The following STAT3 variants were observed in gnomAD, a reference collection of about 807,000 sequenced individuals.
STAT3 encodes signal transducer and activator of transcription 3, also known as DNA-binding protein APRF.
In STAT3, 7 loss-of-function variants were observed where a neutral mutation model predicts 114.3. The observed-to-expected ratio is 0.06, with a 90% CI of 0.03 to 0.11. The LOEUF is 0.11. Among genes scored for constraint, STAT3 ranks in the 10% least tolerant of loss-of-function variants. STAT3 has a pLI of 1.00. For missense variants in STAT3, 364 were observed against 960.9 expected, an observed-to-expected ratio of 0.38 and a Z score of 8.21; for synonymous variants, 331 against 354.5, an observed-to-expected ratio of 0.93 and a Z score of 0.74.
chr17:42,354,172 C>CTTTT (rs1212253278), intron 1 of STAT3, among the ~76,000 whole-genome samples: 11 of 108,676 alleles, frequency 1.0e-4, no homozygotes, highest in African/African-American at 3.9e-4. Context: ...TAATTGTGTT[C>CTTTT]TTTTTTTTTT....
At position 42,340,075 on chromosome 17, in the gene STAT3, G is replaced by A. The variant is rs552192941; in HGVS notation, c.373-666C>T. Reference sequence around the variant, plus strand: ...TATGAAACTTAAAAATTACAGGTTCGTGCCAGGTGCGGTGGCTGATGCCTG... The same window carrying A: ...TATGAAACTTAAAAATTACAGGTTCATGCCAGGTGCGGTGGCTGATGCCTG... On this transcript the variant is annotated intron_variant, in intron 4 of 23. Coordinates refer to ENST00000264657, the MANE Select transcript of STAT3 (RefSeq NM_139276.3). Among the ~76,000 whole-genome samples the A allele has an allele frequency of 3.3e-5, 5 of 152,086 alleles. No individual in the cohort carries two copies. In the South Asian group the frequency reaches 8.3e-4, roughly 25 times the overall value.
Position 42,338,832 on chromosome 17 carries a change from A to C in STAT3, c.469-20T>G, listed in dbSNP as rs771450214. The C allele has an allele frequency of 1.3e-6, 2 of 1,581,610 alleles. No individual in the cohort carries two copies. The highest frequency in any genetic ancestry group is 1.1e-5 in the South Asian group (1 of 90,328). The stretch of plus-strand genomic sequence containing the variant: ...TAGATCCTGTTTAAAATAAGCAAAC[A>C]AAAAAACAGAAGTAAAGAAAGATTT... On this transcript the variant is annotated intron_variant, in intron 5 of 23. Coordinates refer to ENST00000264657, the MANE Select transcript of STAT3 (RefSeq NM_139276.3).
At position 42,329,438 on chromosome 17, in the gene STAT3, C is replaced by A. The variant is rs1413822678; in HGVS notation, c.1253G>T (p.Cys418Phe). The A allele has an allele frequency of 6.2e-7, 1 of 1,614,238 alleles. No individual in the cohort carries two copies. Among genetic ancestry groups the A allele is most frequent in the Non-Finnish European group, 8.5e-7 (1 of 1,180,050 alleles). Reference protein sequence around the residue: ...FKHLTLREQRCGNGGRANCDA... With the variant: ...FKHLTLREQRFGNGGRANCDA... ...ACAATTGGCTCGGCCCCCATTCCCA[C>A]ATCTCTGCTCCCTCAGGGTCTGTAA... Residue 418 changes from cysteine to phenylalanine, a missense_variant, in exon 14 of 24, where the codon TGT (cysteine) becomes TTT (phenylalanine). Around this residue, in one of 5 missense-constraint regions of STAT3, gnomAD observed 294 missense variants for 745.1 expected, o/e 0.39. Transcript: ENST00000264657.
At chr17:42,316,074 TCTA>T in intron 23 of STAT3, 1 of 1,386,908 alleles carries the variant, frequency 7.2e-7, no homozygotes, top group African/African-American at 1.5e-5. Context: ...CTGCCCTTGA[TCTA>T]CTGTTTAATT....
At chr17:42,380,573 C>CGG (rs11449147) in intron 1 of STAT3, among the ~76,000 whole-genome samples, 11 of 146,908 alleles carry the variant, frequency 7.5e-5, no homozygotes, top group South Asian at 6.6e-4. Context: ...TTAGTAGAGA[C>CGG]GGGGGGGGTC....
chr17:42,382,497 C>G (rs929738151), intron 1 of STAT3, among the ~76,000 whole-genome samples: 12 of 152,170 alleles, frequency 7.9e-5, no homozygotes, highest in African/African-American at 2.7e-4. Context: ...TGTCCTACTT[C>G]CATACTGGCA....
intron 4 of STAT3, among the ~76,000 whole-genome samples, chr17:42,343,822 A>G (rs2082564962): frequency 6.6e-6 from 1 of 152,162 alleles, no homozygotes; most frequent in Non-Finnish European, 1.5e-5. Flanking sequence ...TGCAGATTCT[A>G]AAAATATTTA....
At chr17:42,384,604 G>A (rs1211645340) in intron 1 of STAT3, among the ~76,000 whole-genome samples, 1 of 151,824 alleles carries the variant, frequency 6.6e-6, no homozygotes, top group Non-Finnish European at 1.5e-5. Context: ...ACCCAGGCTG[G>A]AGTGCGGTGG....
Position 42,339,383 on chromosome 17 carries a change from T to C in STAT3, c.399A>G (p.Thr133=), listed in dbSNP as rs2082349546. ...GCTGCTTCTCCGTCACCACGGCTGC[T>C]GTGGGGTGGTTGGCCTGGCCCCCTT... ...AQQGGQANHP[T]AAVVTEKQQM... is the part of the protein sequence containing the mutation. The change falls in exon 5 of 24, where the codon ACA becomes ACG. Residue 133 remains threonine (T), a synonymous_variant. Coordinates refer to ENST00000264657, the MANE Select transcript of STAT3 (RefSeq NM_139276.3). 1 of 1,614,170 alleles carries C rather than the reference T, an allele frequency of 6.2e-7. No individual in the cohort carries two copies. Among genetic ancestry groups the C allele is most frequent in the Non-Finnish European group, 8.5e-7 (1 of 1,180,018 alleles).
At chr17:42,350,628 C>T (rs2082901433) in intron 1 of STAT3, among the ~76,000 whole-genome samples, 1 of 152,170 alleles carries the variant, frequency 6.6e-6, no homozygotes. Flanking sequence ...GGCTGCACTT[C>T]TCCCTCCCTC....
chr17:42,326,331 A>C, intron 14 of STAT3, 132 bp from the exon 15 acceptor site: 1 of 753,172 alleles, frequency 1.3e-6, no homozygotes, highest in Non-Finnish European at 2.3e-6. Flanking sequence ...AGCACAGCAA[A>C]ACTCCATCTC....
At chr17:42,318,930 T>C (rs1468061784) in intron 21 of STAT3, among the ~76,000 whole-genome samples, 1 of 152,104 alleles carries the variant, frequency 6.6e-6, no homozygotes, top group Non-Finnish European at 1.5e-5. Context: ...CAGAAAAGGA[T>C]TTAATTCTCC....
In STAT3 at chr17:42,323,116, C is replaced by T. The variant is rs370905622; in HGVS notation, c.1776G>A (p.Glu592=). The stretch of plus-strand genomic sequence containing the variant: ...TAGTGCTCAAGATGGCCCGCTCCCG[C>T]TCCTTACTGATAAAGCCCATGATGT... ...EGYIMGFISK[E]RERAILSTKP... The change falls in exon 20 of 24, where the codon GAG becomes GAA. Residue 592 remains glutamate (E), a synonymous_variant. Transcript: ENST00000264657. 54 of 1,614,178 alleles carry T rather than the reference C, an allele frequency of 3.3e-5. 2 individuals are homozygous for T. In the Middle Eastern group the frequency reaches 6.6e-4, roughly 20 times the overall value.
intron 8 of STAT3, among the ~76,000 whole-genome samples, chr17:42,336,670 G>A (rs1336670312): frequency 6.7e-6 from 1 of 148,152 alleles, no homozygotes; most frequent in Non-Finnish European, 1.5e-5. Flanking sequence ...TACATAATGT[G>A]TATATACATA....
chr17:42,350,281 C>G (rs1466169326), intron 1 of STAT3, among the ~76,000 whole-genome samples: 3 of 152,124 alleles, frequency 2.0e-5, no homozygotes, highest in Non-Finnish European at 4.4e-5. Flanking sequence ...AAACTGGCAA[C>G]AAAACCAGCA....
At chr17:42,344,329 G>C (rs2082592264) in intron 4 of STAT3, among the ~76,000 whole-genome samples, 1 of 151,486 alleles carries the variant, frequency 6.6e-6, no homozygotes, top group Non-Finnish European at 1.5e-5. Context: ...GGCTGAGGCA[G>C]GGGAATAGCT....
intron 21 of STAT3, among the ~76,000 whole-genome samples, chr17:42,317,881 G>A (rs937647959): frequency 6.6e-6 from 1 of 152,158 alleles, no homozygotes; most frequent in African/African-American, 2.4e-5. Context: ...CTAGAAGACC[G>A]GAGACCTGGG....
At chr17:42,357,403 G>A (rs113684316) in intron 1 of STAT3, among the ~76,000 whole-genome samples, 2 of 152,160 alleles carry the variant, frequency 1.3e-5, no homozygotes, top group African/African-American at 4.8e-5. Flanking sequence ...TGTAGGCCAG[G>A]TGTGGTGGCT....
Position 42,333,547 on chromosome 17 carries a change from C to G in STAT3, c.1049+126G>C. On this transcript the variant is annotated intron_variant, in intron 10 of 23. Coordinates refer to ENST00000264657, the MANE Select transcript of STAT3 (RefSeq NM_139276.3). This position sits in a 1 kb window ranked among gnomAD's most constrained non-coding sequence, Gnocchi z 5.2. The stretch of plus-strand genomic sequence containing the variant: ...CAGATAGTATGGCAACAAATTTCAA[C>G]CCCGCAACAGTGTACTGCCTGTGAC... 1.8e-6 allele frequency: 2 copies of G among 1,086,206 alleles called. No homozygotes were observed. The highest frequency in any genetic ancestry group is 2.6e-5 in the South Asian group (2 of 75,648). The allele number at this position is 1,086,206 out of a possible 1,614,324, so 67.3% of individuals were successfully genotyped here. A position where few individuals can be genotyped will look rare whatever the true frequency, so the allele number is the denominator to read the frequency against.
Sources: gnomAD v4.1 joint callset for allele counts (sites outside exome capture counted in the v4.1 genomes callset) on GRCh38, gnomAD v4.1.1 for gene constraint, gnomAD v4.1.1 regional missense constraint, Gnocchi (gnomAD v3.1) non-coding constraint, MANE v1.5 for transcripts, NCBI Gene and HGNC (gene_info 2026-07-23, HGNC 2026-07-21) for gene names.